The following FBXL17 variants were observed in gnomAD, a reference collection of about 807,000 sequenced individuals.
FBXL17 encodes the protein F-box/LRR-repeat protein 17.
Under a neutral mutation model 66.2 loss-of-function variants are expected in FBXL17, and 22 were observed. That is an observed-to-expected ratio of 0.33 (90% CI 0.24 to 0.47). The LOEUF is 0.47. Among genes scored for constraint, FBXL17 ranks in the 20% least tolerant of loss-of-function variants. The probability of loss-of-function intolerance (pLI) is 1.00; values close to 1 mark genes in which losing one functional copy is unlikely to be tolerated. For synonymous variants in FBXL17, 474 were observed against 400.5 expected (o/e 1.18, Z -2.19); for missense variants, 878 against 948.2 (o/e 0.93, Z 0.97).
At chr5:107,896,760 A>T (rs1749398221) in intron 7 of FBXL17, among the ~76,000 whole-genome samples, 1 of 152,220 alleles carries the variant, frequency 6.6e-6, no homozygotes, top group South Asian at 2.1e-4. Context: ...CTGCCATACC[A>T]GAATAAATGA....
At position 108,286,254 on chromosome 5, in the gene FBXL17, C is replaced by T. The variant is rs571629003; in HGVS notation, c.1507-62026G>A. On this transcript the variant is annotated intron_variant, in intron 4 of 8. Transcript: ENST00000542267. ...AACAAGAACAGGATGTCCTCTCTCA[C>T]TACTCATATTCAACATAGTACTGGA... Among the ~76,000 whole-genome samples the T allele has an allele frequency of 2.6e-4, 40 of 152,024 alleles. No individual in the cohort carries two copies. In the East Asian group the frequency reaches 6.8e-3, roughly 26 times the overall value.
chr5:108,146,475 C>T (rs1312111764), intron 6 of FBXL17, among the ~76,000 whole-genome samples: 1 of 152,130 alleles, frequency 6.6e-6, no homozygotes, highest in Non-Finnish European at 1.5e-5. Flanking sequence ...TATCCTCTTC[C>T]CCCAGTCAAA....
intron 7 of FBXL17, among the ~76,000 whole-genome samples, chr5:107,882,047 A>T (rs886771270): frequency 1.3e-5 from 2 of 152,196 alleles, no homozygotes; most frequent in South Asian, 2.1e-4. Context: ...GCCCACCTTT[A>T]TATTTAAGGA....
intron 6 of FBXL17, among the ~76,000 whole-genome samples, chr5:108,126,087 TAAGA>T (rs1165727029): frequency 1.1e-4 from 17 of 152,098 alleles, no homozygotes; most frequent in African/African-American, 3.9e-4. Flanking sequence ...TGTGCAGTTA[TAAGA>T]GGTGCAGAGG....
chr5:108,167,176 C>A (rs1752444808), intron 6 of FBXL17, among the ~76,000 whole-genome samples: 1 of 151,994 alleles, frequency 6.6e-6, no homozygotes, highest in Non-Finnish European at 1.5e-5. Flanking sequence ...GATAATTGTG[C>A]ACACTTCAGT....
chr5:108,100,479 TGTAA>T (rs1749558348), intron 6 of FBXL17, among the ~76,000 whole-genome samples: 1 of 152,216 alleles, frequency 6.6e-6, no homozygotes, highest in South Asian at 2.1e-4. Flanking sequence ...GTTGTTATTA[TGTAA>T]GTATTTCAAC....
At chr5:108,339,537 C>T (rs906639553) in intron 4 of FBXL17, among the ~76,000 whole-genome samples, 17 of 146,990 alleles carry the variant, frequency 1.2e-4, no homozygotes, top group Admixed American at 9.5e-4. Flanking sequence ...CTGATTTTAA[C>T]AGGTAGTCAA....
In FBXL17 at chr5:108,217,021, C is replaced by T. The variant is rs114915325; in HGVS notation, c.1614+7100G>A. Among the ~76,000 whole-genome samples the T allele has an allele frequency of 2.9e-3, 438 of 152,226 alleles. 3 individuals are homozygous for T. The highest frequency in any genetic ancestry group is 0.01 in the African/African-American group (427 of 41,548). On this transcript the variant is annotated intron_variant, in intron 5 of 8. Coordinates refer to ENST00000542267, the MANE Select transcript of FBXL17 (RefSeq NM_001163315.3). ...GGGCTCCGGTGGGTTCCAGTGGGCA[C>T]TCTACTTTCCTTTATTTGGACTGTA...
At chr5:107,922,909 G>T (rs554264128) in intron 7 of FBXL17, among the ~76,000 whole-genome samples, 26 of 152,292 alleles carry the variant, frequency 1.7e-4, no homozygotes, top group Middle Eastern at 3.4e-3. Context: ...ACTGTAGTGG[G>T]TCATAAAGCA....
At chr5:108,260,846 A>G (rs1438894304) in intron 4 of FBXL17, among the ~76,000 whole-genome samples, 1 of 152,166 alleles carries the variant, frequency 6.6e-6, no homozygotes. Flanking sequence ...TAGTCATTTC[A>G]CCAATATCGG....
intron 4 of FBXL17, among the ~76,000 whole-genome samples, chr5:108,291,045 G>A (rs542261005): frequency 6.6e-6 from 1 of 152,148 alleles, no homozygotes; most frequent in Admixed American, 6.5e-5. Flanking sequence ...GATTTAAATT[G>A]TCCTGGAAAG....
At chr5:108,319,962 T>C (rs1759541907) in intron 4 of FBXL17, among the ~76,000 whole-genome samples, 1 of 151,728 alleles carries the variant, frequency 6.6e-6, no homozygotes, top group African/African-American at 2.4e-5. Flanking sequence ...GAATATTACT[T>C]ACACATCATG....
At chr5:108,243,859 T>C (rs1755974368) in intron 4 of FBXL17, among the ~76,000 whole-genome samples, 1 of 152,118 alleles carries the variant, frequency 6.6e-6, no homozygotes, top group Admixed American at 6.6e-5. Context: ...GAATTCTGAA[T>C]CCTCTAATCA....
At chr5:107,959,400 A>G (rs1751805054) in intron 7 of FBXL17, among the ~76,000 whole-genome samples, 1 of 151,736 alleles carries the variant, frequency 6.6e-6, no homozygotes, top group African/African-American at 2.4e-5. Flanking sequence ...ACACACACAC[A>G]CACACACACA....
intron 1 of FBXL17, among the ~76,000 whole-genome samples, chr5:108,376,293 T>A (rs1482627693): frequency 6.6e-6 from 1 of 152,160 alleles, no homozygotes; most frequent in Non-Finnish European, 1.5e-5. Flanking sequence ...AGACATGGAA[T>A]ATAAACAAAA....
intron 6 of FBXL17, among the ~76,000 whole-genome samples, chr5:108,147,554 A>G (rs1471641777): frequency 1.3e-5 from 2 of 152,164 alleles, no homozygotes; most frequent in Non-Finnish European, 2.9e-5. Flanking sequence ...AGGTTACAAG[A>G]TATTAAGTAG....
In FBXL17 at chr5:108,298,355, G is replaced by A. The variant is rs572858059; in HGVS notation, c.1506+50044C>T. 6 of 982,834 alleles carry A rather than the reference G, an allele frequency of 6.1e-6. No individual in the cohort carries two copies. In the South Asian group the frequency reaches 1.9e-4, roughly 31 times the overall value. 60.9% of individuals were successfully genotyped at this position (982,834 alleles called of 1,614,324 possible). On this transcript the variant is annotated intron_variant, in intron 4 of 8. Coordinates refer to ENST00000542267, the MANE Select transcript of FBXL17 (RefSeq NM_001163315.3). ...AAAATCGTTTTTGTATAAAATCTGTGCATAGAGAAAGTTATTTCTTTCTAC... is the reference window on the plus strand; with the variant it reads ...AAAATCGTTTTTGTATAAAATCTGTACATAGAGAAAGTTATTTCTTTCTAC...
chr5:108,306,741 AAC>A (rs1257410206), intron 4 of FBXL17, among the ~76,000 whole-genome samples: 1 of 152,050 alleles, frequency 6.6e-6, no homozygotes, highest in East Asian at 1.9e-4. Flanking sequence ...GTGTCCACAG[AAC>A]ACAGAGTCAT....
intron 1 of FBXL17, among the ~76,000 whole-genome samples, chr5:108,378,998 C>A (rs1367391954): frequency 6.6e-6 from 1 of 152,182 alleles, no homozygotes. Context: ...CATAACATGT[C>A]CAAATACACA....
Sources: gnomAD v4.1 joint callset for allele counts (sites outside exome capture counted in the v4.1 genomes callset) on GRCh38, gnomAD v4.1.1 for gene constraint, MANE v1.5 for transcripts, NCBI Gene and HGNC (gene_info 2026-07-23, HGNC 2026-07-21) for gene names.